The following TEX14 variants were observed in gnomAD, a reference collection of about 807,000 sequenced individuals.
The protein encoded by TEX14 is inactive serine/threonine-protein kinase TEX14.
TEX14 carries 168 observed loss-of-function variants against 178.6 expected under a neutral mutation model. The observed-to-expected ratio is 0.94, with a 90% confidence interval of 0.83 to 1.07. The LOEUF (loss-of-function observed/expected upper bound fraction) is 1.07, where lower values mean the gene tolerates loss of function less well. Ranked by LOEUF, TEX14 falls within the 50% of genes least tolerant of loss-of-function variation. The pLI, the probability that TEX14 is intolerant of heterozygous loss-of-function variation, is 0.00. For synonymous variants in TEX14, 626 were observed against 634.1 expected (o/e 0.99, Z 0.19); for missense variants, 1,730 against 1,753.6 (o/e 0.99, Z 0.24).
intron 2 of TEX14, among the ~76,000 whole-genome samples, chr17:58,632,301 C>T (rs957058705): frequency 1.3e-5 from 2 of 152,246 alleles, no homozygotes; most frequent in African/African-American, 4.8e-5. Context: ...CAAAATTCCA[C>T]ACACTTAAAT....
rs1461960838 is a variant in TEX14, at chr17:58,569,285, G to A, written c.3818-25C>T. ...ACTAGTTTTTAAAAAAGACAAAAGG[G>A]AAAATGTCTTAACACCCTCCTGGAC... On this transcript the variant is annotated intron_variant, in intron 25 of 31. Transcript: ENST00000349033. This position sits in a 1 kb window ranked among gnomAD's most constrained non-coding sequence, Gnocchi z 4.1. The A allele has an allele frequency of 1.2e-6, 2 of 1,601,168 alleles. No homozygotes were observed. Among genetic ancestry groups the A allele is most frequent in the Non-Finnish European group, 1.7e-6 (2 of 1,168,700 alleles).
chr17:58,652,970 C>T (rs1300166390), intron 1 of TEX14, among the ~76,000 whole-genome samples: 2 of 152,104 alleles, frequency 1.3e-5, no homozygotes, highest in East Asian at 1.9e-4. Context: ...CGGAGTCTTA[C>T]TCTGTCATCA....
chr17:58,569,269 T>TA lies in TEX14; in HGVS notation c.3818-10dup, dbSNP rs775477068. ...CTGTGAGAAGGCTTCTACTAGTTTTTAAAAAAGACAAAAGGGAAAATGTCT... is the reference window on the plus strand; with the variant it reads ...CTGTGAGAAGGCTTCTACTAGTTTTTAAAAAAAGACAAAAGGGAAAATGTCT... On this transcript the variant is annotated splice_polypyrimidine_tract_variant and intron_variant, in intron 25 of 31. Transcript: ENST00000349033. The surrounding 1 kb of genome is among the most constrained non-coding windows in gnomAD (Gnocchi z 4.1). 44 of 1,612,920 alleles carry TA rather than the reference T, an allele frequency of 2.7e-5. No homozygotes were observed. The highest frequency in any genetic ancestry group is 3.5e-5 in the Non-Finnish European group (41 of 1,179,210).
chr17:58,613,617 T>A, intron 8 of TEX14, 73 bp from the exon 9 acceptor site: 2 of 1,473,780 alleles, frequency 1.4e-6, no homozygotes, highest in Non-Finnish European at 1.9e-6. Flanking sequence ...GTAGGCCTTT[T>A]GAACACATTC....
Position 58,602,502 on chromosome 17 carries a change from C to T in TEX14, c.1425G>A (p.Pro475=), listed in dbSNP as rs778483069. The change falls in exon 12 of 32, where the codon CCG becomes CCA. Residue 475 remains proline (P), a synonymous_variant. Transcript: ENST00000349033. Reference sequence around the variant, plus strand: ...ACTTAACAATATCATAGTAAGGTTTCGGAAGCCTGACATCAGCTTCTAAAT... The same window carrying T: ...ACTTAACAATATCATAGTAAGGTTTTGGAAGCCTGACATCAGCTTCTAAAT... ...GNYLEADVRL[P]KPYYDIVKSG... 6.8e-6 allele frequency: 11 copies of T among 1,613,800 alleles called. No homozygotes were observed. The highest frequency in any genetic ancestry group is 1.7e-5 in the Admixed American group (1 of 59,938).
intron 1 of TEX14, chr17:58,677,822 C>G (rs1426252996): frequency 6.6e-6 from 1 of 152,202 alleles, no homozygotes; most frequent in Non-Finnish European, 1.5e-5. Context: ...AAGTTCTAGC[C>G]TGCTACTTAC....
intron 10 of TEX14, among the ~76,000 whole-genome samples, chr17:58,607,286 T>A (rs2045632205): frequency 6.6e-6 from 1 of 152,194 alleles, no homozygotes; most frequent in Non-Finnish European, 1.5e-5. Context: ...TGAGGTTCCA[T>A]CCTGAGGTCA....
At chr17:58,565,091 C>T (rs554644334) in intron 27 of TEX14, 123 bp from the exon 28 acceptor site, 5 of 505,878 alleles carry the variant, frequency 9.9e-6, no homozygotes, top group Admixed American at 3.9e-5. Context: ...TGCATTAGCT[C>T]CCCTCTTCCC....
Position 58,605,004 on chromosome 17 carries a change from G to A in TEX14, c.1310C>T (p.Ser437Phe). The A allele has an allele frequency of 6.2e-7, 1 of 1,614,182 alleles. No individual in the cohort carries two copies. The highest frequency in any genetic ancestry group is 8.5e-7 in the Non-Finnish European group (1 of 1,180,028). ...ATVKSDIYSF[S>F]MIMQEILTDD... ...TGTTAAAATCTCCTGCATGATCATA[G>A]AAAAGCTGTAGATGTCTGATTTCAC... The change falls in exon 11 of 32, where the codon TCT (serine) becomes TTT (phenylalanine). Residue 437 changes from serine to phenylalanine, a missense_variant. Transcript: ENST00000349033.
intron 3 of TEX14, among the ~76,000 whole-genome samples, chr17:58,625,252 C>T (rs1377004675): frequency 6.6e-6 from 1 of 152,178 alleles, no homozygotes; most frequent in Non-Finnish European, 1.5e-5. Flanking sequence ...CCTGCCTCAG[C>T]CTCCCGAGTA....
intron 1 of TEX14, among the ~76,000 whole-genome samples, chr17:58,662,867 C>G (rs930022538): frequency 6.6e-6 from 1 of 152,118 alleles, no homozygotes; most frequent in Non-Finnish European, 1.5e-5. Flanking sequence ...CGCTTGTAAT[C>G]CCAGCACTTT....
intron 2 of TEX14, among the ~76,000 whole-genome samples, chr17:58,639,861 G>C (rs926725317): frequency 1.3e-5 from 2 of 152,200 alleles, no homozygotes; most frequent in Non-Finnish European, 2.9e-5. Flanking sequence ...GGAACAGGGT[G>C]ACTGAGACCC....
At chr17:58,603,889 G>GTGTGTGTA (rs2045538878) in intron 11 of TEX14, among the ~76,000 whole-genome samples, 2 of 13,882 alleles carry the variant, frequency 1.4e-4, no homozygotes, top group African/African-American at 3.4e-4. Context: ...TGATTTTACT[G>GTGTGTGTA]TGTGTGTGTG....
intron 19 of TEX14, among the ~76,000 whole-genome samples, chr17:58,580,686 A>C (rs2044791266): frequency 6.6e-6 from 1 of 152,312 alleles, no homozygotes; most frequent in Non-Finnish European, 1.5e-5. Flanking sequence ...CCTTTCATAT[A>C]GGTAAAAGAT....
At chr17:58,682,679 G>C (rs1232878105) in intron 1 of TEX14, among the ~76,000 whole-genome samples, 1 of 152,154 alleles carries the variant, frequency 6.6e-6, no homozygotes, top group Non-Finnish European at 1.5e-5. Flanking sequence ...CGGCTGCCCA[G>C]CCTACAGAGT....
intron 15 of TEX14, 87 bp from the exon 16 acceptor site, chr17:58,588,108 G>A (rs1404207611): frequency 3.0e-6 from 2 of 673,012 alleles, no homozygotes; most frequent in Non-Finnish European, 5.4e-6. Context: ...AAGTGCTCTT[G>A]GGAGATTTTC....
At chr17:58,672,377 C>T (rs974223845) in intron 1 of TEX14, among the ~76,000 whole-genome samples, 2 of 152,176 alleles carry the variant, frequency 1.3e-5, no homozygotes, top group African/African-American at 4.8e-5. Context: ...AATCTTCCAG[C>T]ACTCTTACTC....
At chr17:58,560,245 T>C (rs905559626) in intron 29 of TEX14, among the ~76,000 whole-genome samples, 1 of 152,090 alleles carries the variant, frequency 6.6e-6, no homozygotes, top group Non-Finnish European at 1.5e-5. Flanking sequence ...CTGTTTTCAT[T>C]TGGTGGATAG....
intron 2 of TEX14, among the ~76,000 whole-genome samples, chr17:58,647,009 G>A (rs935514825): frequency 6.6e-6 from 1 of 151,446 alleles, no homozygotes; most frequent in African/African-American, 2.4e-5. Flanking sequence ...GAGTTCAAGC[G>A]ATTCTCCTGC....
Sources: allele counts gnomAD v4.1 joint callset (sites outside exome capture counted in the v4.1 genomes callset), GRCh38; gene constraint gnomAD v4.1.1; non-coding constraint Gnocchi (gnomAD v3.1); transcripts MANE v1.5; gene names NCBI Gene and HGNC (gene_info 2026-07-23, HGNC 2026-07-21).